FBN2: variants seen among roughly 807,000 people sequenced by gnomAD.
FBN2 encodes fibrillin-2.
Under a neutral mutation model 355.6 loss-of-function variants are expected in FBN2, and 105 were observed. The ratio of observed to expected loss-of-function variants is 0.30; its 90% confidence interval spans 0.25 to 0.35. The LOEUF (loss-of-function observed/expected upper bound fraction) is 0.35. Ranked by LOEUF, FBN2 falls within the 10% of genes least tolerant of loss-of-function variation. The probability of loss-of-function intolerance (pLI) is 1.00; values close to 1 mark genes in which losing one functional copy is unlikely to be tolerated. For missense variants in FBN2, 3,280 were observed against 3,758.7 expected, an observed-to-expected ratio of 0.87 and a Z score of 3.33; for synonymous variants, 1,350 against 1,301.2, an observed-to-expected ratio of 1.04 and a Z score of -0.81.
intron 7 of FBN2, among the ~76,000 whole-genome samples, chr5:128,424,147 A>T (rs1753425275): frequency 6.6e-6 from 1 of 152,110 alleles, no homozygotes; most frequent in Non-Finnish European, 1.5e-5. Context: ...CCTGGCAGGC[A>T]GCTCCAGACA....
At chr5:128,420,569 G>C (rs1753320319) in intron 7 of FBN2, among the ~76,000 whole-genome samples, 1 of 152,126 alleles carries the variant, frequency 6.6e-6, no homozygotes, top group African/African-American at 2.4e-5. Context: ...ATTTTTTATA[G>C]AAAAGGGTTG....
chr5:128,336,224 G>A (rs1182497523), intron 27 of FBN2, 111 bp from the exon 28 acceptor site: 1 of 1,041,156 alleles, frequency 9.6e-7, no homozygotes. Flanking sequence ...TACTTCACGA[G>A]GAAGTAAAAT....
At chr5:128,280,690 G>A (rs970072028) in intron 55 of FBN2, among the ~76,000 whole-genome samples, 1 of 152,050 alleles carries the variant, frequency 6.6e-6, no homozygotes, top group Non-Finnish European at 1.5e-5. Context: ...GTGGGGAGAG[G>A]GATGGTGGGT....
In FBN2 at chr5:128,356,425, C is replaced by A. The variant is rs927010125; in HGVS notation, c.2674+851G>T. 3.3e-5 allele frequency among the ~76,000 whole-genome samples: 5 copies of A among 152,328 alleles called. No homozygotes were observed. The South Asian group carries it at 1.0e-3, about 32-fold the overall frequency. On this transcript the variant is annotated intron_variant, in intron 20 of 64. Transcript: ENST00000262464. ...TTCGACAAATATGAAACTAAAGATT[C>A]ATTTTGGCTAGATAATAAAAACTGC...
chr5:128,431,699 A>G (rs1334634604), intron 7 of FBN2, among the ~76,000 whole-genome samples: 1 of 151,894 alleles, frequency 6.6e-6, no homozygotes, highest in Admixed American at 6.6e-5. Context: ...TACCATCACT[A>G]CTCTAGCACT....
chr5:128,481,260 T>C (rs1416023201), intron 5 of FBN2, among the ~76,000 whole-genome samples: 1 of 152,132 alleles, frequency 6.6e-6, no homozygotes, highest in African/African-American at 2.4e-5. Context: ...AGTTCTGTGG[T>C]CTGTAAAAGA....
chr5:128,427,898 C>T (rs775222399), intron 7 of FBN2, among the ~76,000 whole-genome samples: 5 of 152,156 alleles, frequency 3.3e-5, no homozygotes, highest in African/African-American at 7.2e-5. Flanking sequence ...GGCAGGTGAA[C>T]CCAAGTTCGG....
In FBN2 at chr5:128,513,222, G is replaced by A. The variant is rs545279469; in HGVS notation, c.628+6051C>T. Among the ~76,000 whole-genome samples, 3 of 152,304 alleles carry A rather than the reference G, an allele frequency of 2.0e-5. No homozygotes were observed. The South Asian group carries it at 6.2e-4, about 32-fold the overall frequency. ...ACCCCTGGAGACAGGTGTTATTTAAGAATTTGTAACTTTTGAAATATACGG... is the reference window on the plus strand; with the variant it reads ...ACCCCTGGAGACAGGTGTTATTTAAAAATTTGTAACTTTTGAAATATACGG... On this transcript the variant is annotated intron_variant, in intron 5 of 64. Transcript: ENST00000262464.
intron 5 of FBN2, among the ~76,000 whole-genome samples, chr5:128,506,862 T>C (rs1239190023): frequency 2.6e-5 from 4 of 152,134 alleles, no homozygotes; most frequent in Non-Finnish European, 5.9e-5. Flanking sequence ...TATATTTAGA[T>C]GAACACTCTG....
chr5:128,469,247 G>T (rs1754791511), intron 5 of FBN2, among the ~76,000 whole-genome samples: 2 of 152,178 alleles, frequency 1.3e-5, no homozygotes. Flanking sequence ...CTATGAAGGG[G>T]TGGAAGCAAG....
chr5:128,449,433 C>T (rs1233832452), intron 6 of FBN2, among the ~76,000 whole-genome samples: 2 of 137,548 alleles, frequency 1.5e-5, no homozygotes, highest in Admixed American at 1.4e-4. Flanking sequence ...TAATAGTATA[C>T]TGTATAATTA....
Position 128,517,802 on chromosome 5 carries a change from T to A in FBN2, c.628+1471A>T, listed in dbSNP as rs555569527. 5.3e-5 allele frequency among the ~76,000 whole-genome samples: 8 copies of A among 152,272 alleles called. No homozygotes were observed. In the South Asian group the frequency reaches 1.7e-3, roughly 32 times the overall value. ...GTATATAAACCTTGACCCCTACTTATCTGTAATATTTCATTGACATAATTT... is the reference window on the plus strand; with the variant it reads ...GTATATAAACCTTGACCCCTACTTAACTGTAATATTTCATTGACATAATTT... On this transcript the variant is annotated intron_variant, in intron 5 of 64. Transcript: ENST00000262464.
intron 5 of FBN2, among the ~76,000 whole-genome samples, chr5:128,484,361 A>G (rs1368523542): frequency 1.3e-5 from 2 of 152,262 alleles, no homozygotes; most frequent in Non-Finnish European, 2.9e-5. Context: ...CTAAAACTGC[A>G]AAGGCCAGCA....
At position 128,288,497 on chromosome 5, in the gene FBN2, C is replaced by T; in HGVS notation, c.6698G>A (p.Gly2233Glu). Reference protein sequence around the residue: ...CGNGTCTNVIGSFECNCNEGF... With the variant: ...CGNGTCTNVIESFECNCNEGF... ...TTCATTGCAATTGCATTCAAAACTC[C>T]CAATAACATTGGTGCATGTACCATT... Residue 2233 changes from glycine to glutamate, a missense_variant, in exon 53 of 65, where the codon GGG becomes GAG. Around this residue, in one of 6 missense-constraint regions of FBN2, gnomAD observed 2,284 missense variants for 2,749.5 expected, o/e 0.83. Transcript: ENST00000262464. The T allele has an allele frequency of 6.2e-7, 1 of 1,613,936 alleles. No individual in the cohort carries two copies. Among genetic ancestry groups the T allele is most frequent in the Non-Finnish European group, 8.5e-7 (1 of 1,179,878 alleles).
intron 5 of FBN2, among the ~76,000 whole-genome samples, chr5:128,486,180 T>C (rs1044086501): frequency 6.6e-6 from 1 of 152,156 alleles, no homozygotes; most frequent in Non-Finnish European, 1.5e-5. Flanking sequence ...CTTAGTACTA[T>C]CATAAACCCG....
At chr5:128,522,287 C>G (rs1457455563) in intron 4 of FBN2, among the ~76,000 whole-genome samples, 2 of 152,126 alleles carry the variant, frequency 1.3e-5, no homozygotes, top group African/African-American at 4.8e-5. Flanking sequence ...TGCAAGAACT[C>G]AACAAACTCC....
intron 5 of FBN2, among the ~76,000 whole-genome samples, chr5:128,510,554 T>C (rs1756086020): frequency 6.6e-6 from 1 of 152,238 alleles, no homozygotes; most frequent in Non-Finnish European, 1.5e-5. Context: ...GCAGGAAGGC[T>C]AATTTATTCC....
At chr5:128,273,702 C>T (rs993526800) in intron 61 of FBN2, 138 bp downstream of exon 61, 1 of 836,460 alleles carries the variant, frequency 1.2e-6, no homozygotes, top group African/African-American at 1.7e-5. Context: ...AAATTTATGA[C>T]CAGGAATAAG....
At chr5:128,490,527 G>A (rs1189317439) in intron 5 of FBN2, among the ~76,000 whole-genome samples, 1 of 152,208 alleles carries the variant, frequency 6.6e-6, no homozygotes, top group Non-Finnish European at 1.5e-5. Context: ...GTACTGGGAA[G>A]TGAAAACATC....
Sources: allele counts gnomAD v4.1 joint callset (sites outside exome capture counted in the v4.1 genomes callset), GRCh38; gene constraint gnomAD v4.1.1; regional missense constraint gnomAD v4.1.1; transcripts MANE v1.5; gene names NCBI Gene and HGNC (gene_info 2026-07-23, HGNC 2026-07-21).